The following TYW1B variants were observed in gnomAD, a reference collection of about 807,000 sequenced individuals.
The protein encoded by TYW1B is S-adenosyl-L-methionine-dependent tRNA 4-demethylwyosine synthase TYW1B.
In TYW1B, 73 loss-of-function variants were observed where a neutral mutation model predicts 86.9. That is an observed-to-expected ratio of 0.84 (90% CI 0.70 to 1.02). TYW1B has a LOEUF of 1.02. Ranked by LOEUF, TYW1B falls within the 50% of genes least tolerant of loss-of-function variation. TYW1B has a pLI of 0.00. For missense variants in TYW1B, 637 were observed against 827.4 expected (o/e 0.77, Z 2.82); for synonymous variants, 248 against 292.8 (o/e 0.85, Z 1.56).
chr7:72,722,269 T>C (rs1484367972), intron 9 of TYW1B, among the ~76,000 whole-genome samples: 1 of 152,238 alleles, frequency 6.6e-6, no homozygotes, highest in African/African-American at 2.4e-5. Context: ...ACTTTGCTTC[T>C]AGCCTAAAGT....
chr7:72,730,422 T>C (rs564237062), intron 8 of TYW1B, among the ~76,000 whole-genome samples: 1 of 146,868 alleles, frequency 6.8e-6, no homozygotes, highest in South Asian at 2.2e-4. Context: ...AGGTGAAGAA[T>C]TCGATGAATG....
intron 7 of TYW1B, among the ~76,000 whole-genome samples, chr7:72,760,469 G>A (rs557204248): frequency 3.6e-4 from 55 of 152,136 alleles, no homozygotes; most frequent in Non-Finnish European, 5.7e-4. Flanking sequence ...ATCTCATGAT[G>A]AAAATTCAAA....
chr7:72,589,760 C>T (rs1268995302), intron 13 of TYW1B, among the ~76,000 whole-genome samples: 4 of 152,168 alleles, frequency 2.6e-5, no homozygotes, highest in East Asian at 1.9e-4. Context: ...CCTGTAATCT[C>T]GGCTACTTGG....
chr7:72,804,535 A>AT (rs1554476303), intron 5 of TYW1B, among the ~76,000 whole-genome samples: 1 of 152,078 alleles, frequency 6.6e-6, no homozygotes, highest in Non-Finnish European at 1.5e-5. Context: ...CAAAACTTTT[A>AT]TTTTAAAAAA....
chr7:72,767,224 G>A (rs1787785574), intron 7 of TYW1B, among the ~76,000 whole-genome samples: 1 of 152,076 alleles, frequency 6.6e-6, no homozygotes, highest in African/African-American at 2.4e-5. Flanking sequence ...CCTACCCTCG[G>A]ACTGCCGTCA....
rs1267766712 is a variant in TYW1B, at chr7:72,637,059, G to A, written c.1507-8062C>T. ...GGCGTGATTGAGCCCAGGAGGTGGA[G>A]GTTGCAGTGAGCTGAGATCACGCCA... is the stretch of plus-strand genomic sequence containing the variant. On this transcript the variant is annotated intron_variant, in intron 11 of 13. Coordinates refer to ENST00000620995, the MANE Select transcript of TYW1B (RefSeq NM_001145440.3). 3.3e-5 allele frequency among the ~76,000 whole-genome samples: 5 copies of A among 152,224 alleles called. No individual in the cohort carries two copies. The East Asian group carries it at 7.7e-4, about 24-fold the overall frequency.
At chr7:72,798,461 T>C (rs1788348379) in intron 6 of TYW1B, among the ~76,000 whole-genome samples, 3 of 152,092 alleles carry the variant, frequency 2.0e-5, no homozygotes. Flanking sequence ...CATTAATGCA[T>C]ATCAATCCAC....
chr7:72,798,884 T>C (rs1224689339), intron 6 of TYW1B, among the ~76,000 whole-genome samples: 3 of 152,210 alleles, frequency 2.0e-5, no homozygotes, highest in Admixed American at 2.0e-4. Flanking sequence ...AAGTTAAGCA[T>C]CTTTTCATGT....
intron 4 of TYW1B, among the ~76,000 whole-genome samples, chr7:72,807,810 G>A (rs1487919234): frequency 6.6e-6 from 1 of 152,178 alleles, no homozygotes; most frequent in Admixed American, 6.6e-5. Context: ...TTATTTCACT[G>A]TGATATGAAG....
At chr7:72,601,269 T>C (rs1280229195) in intron 13 of TYW1B, among the ~76,000 whole-genome samples, 3 of 152,016 alleles carry the variant, frequency 2.0e-5, no homozygotes, top group Non-Finnish European at 2.9e-5. Context: ...CTCATCATTA[T>C]TTGTCATCAG....
chr7:72,694,232 G>C (rs1814252011), intron 11 of TYW1B, among the ~76,000 whole-genome samples: 2 of 152,144 alleles, frequency 1.3e-5, no homozygotes, highest in Admixed American at 1.3e-4. Flanking sequence ...CAAAGTCCTG[G>C]GTTTGCAGGC....
At chr7:72,768,045 T>C (rs1283885855) in intron 7 of TYW1B, among the ~76,000 whole-genome samples, 2 of 150,540 alleles carry the variant, frequency 1.3e-5, no homozygotes, top group Non-Finnish European at 1.5e-5. Flanking sequence ...AGTCCAAGAG[T>C]TCAAAACCAG....
At chr7:72,820,869 A>G (rs1788815199) in intron 2 of TYW1B, among the ~76,000 whole-genome samples, 1 of 152,240 alleles carries the variant, frequency 6.6e-6, no homozygotes, top group African/African-American at 2.4e-5. Flanking sequence ...ACAAAATATC[A>G]TGGCGGTGTC....
Position 72,777,912 on chromosome 7 carries a change from T to C in TYW1B, c.847-379A>G, listed in dbSNP as rs571841191. ...GCCTGGGCAACAGAGAAAGACTCTGTCTCAAAAAATAAATAATTATAAATA... is the reference window on the plus strand; with the variant it reads ...GCCTGGGCAACAGAGAAAGACTCTGCCTCAAAAAATAAATAATTATAAATA... On this transcript the variant is annotated intron_variant, in intron 6 of 13. Transcript: ENST00000620995. 5.3e-5 allele frequency among the ~76,000 whole-genome samples: 8 copies of C among 152,092 alleles called. No individual in the cohort carries two copies. In the East Asian group the frequency reaches 1.5e-3, roughly 29 times the overall value.
chr7:72,579,916 G>A (rs1811112194), intron 13 of TYW1B, among the ~76,000 whole-genome samples: 1 of 152,168 alleles, frequency 6.6e-6, no homozygotes, highest in Non-Finnish European at 1.5e-5. Flanking sequence ...CTCCCAAAAT[G>A]CTAGGATCAT....
chr7:72,718,460 AAAT>A (rs781937099), intron 9 of TYW1B, among the ~76,000 whole-genome samples: 1 of 152,132 alleles, frequency 6.6e-6, no homozygotes, highest in Non-Finnish European at 1.5e-5. Flanking sequence ...CCCCAATACA[AAAT>A]AATAAATAAA....
At chr7:72,761,731 G>A (rs963800355) in intron 7 of TYW1B, among the ~76,000 whole-genome samples, 7 of 151,566 alleles carry the variant, frequency 4.6e-5, no homozygotes, top group Non-Finnish European at 8.8e-5. Flanking sequence ...AGAGAGATGT[G>A]AAAAAAGTTA....
chr7:72,596,918 T>TCAACAACAA (rs572501145), intron 13 of TYW1B, among the ~76,000 whole-genome samples: 1 of 144,480 alleles, frequency 6.9e-6, no homozygotes, highest in African/African-American at 2.6e-5. Flanking sequence ...TGCCTAAAAC[T>TCAACAACAA]CAACAACAAC....
chr7:72,756,997 G>A (rs1787601307), intron 7 of TYW1B, among the ~76,000 whole-genome samples: 1 of 152,112 alleles, frequency 6.6e-6, no homozygotes, highest in South Asian at 2.1e-4. Flanking sequence ...TGCTGACAAG[G>A]CGGAGGAGAA....
Sources: allele counts gnomAD v4.1 joint callset (sites outside exome capture counted in the v4.1 genomes callset), GRCh38; gene constraint gnomAD v4.1.1; transcripts MANE v1.5; gene names NCBI Gene and HGNC (gene_info 2026-07-23, HGNC 2026-07-21).